The following MAP3K7CL variants were observed in gnomAD, a reference collection of about 807,000 sequenced individuals.
The protein encoded by MAP3K7CL is MAP3K7 C-terminal like.
Under a neutral mutation model 18.6 loss-of-function variants are expected in MAP3K7CL, and 16 were observed. The observed-to-expected ratio is 0.86, with a 90% CI of 0.58 to 1.31. The LOEUF (loss-of-function observed/expected upper bound fraction) is 1.31, where lower values mean the gene tolerates loss of function less well. Among genes scored for constraint, MAP3K7CL ranks in the 50% most tolerant of loss-of-function variants. MAP3K7CL has a pLI of 0.00. For missense variants in MAP3K7CL, 163 were observed against 174.4 expected (o/e 0.93, Z 0.37); for synonymous variants, 65 against 66.8 (o/e 0.97, Z 0.13).
intron 2 of MAP3K7CL, among the ~76,000 whole-genome samples, chr21:29,143,576 C>T (rs2146666208): frequency 6.6e-6 from 1 of 152,128 alleles, no homozygotes; most frequent in South Asian, 2.1e-4. Context: ...GCATGTGCCA[C>T]CACGCCTGGC....
chr21:29,086,621 A>C (rs1429342656), intron 1 of MAP3K7CL, among the ~76,000 whole-genome samples: 2 of 152,178 alleles, frequency 1.3e-5, no homozygotes, highest in Non-Finnish European at 2.9e-5. Flanking sequence ...ATTGATAATA[A>C]AGCTGATGGT....
intron 4 of MAP3K7CL, among the ~76,000 whole-genome samples, chr21:29,114,460 G>A (rs1394683995): frequency 1.1e-4 from 16 of 152,040 alleles, no homozygotes; most frequent in African/African-American, 2.7e-4. Context: ...GTGCAATCAC[G>A]GCTCACTGCA....
chr21:29,078,431 A>T (rs543581939), intron 1 of MAP3K7CL, among the ~76,000 whole-genome samples: 4 of 152,184 alleles, frequency 2.6e-5, no homozygotes, highest in Non-Finnish European at 4.4e-5. Flanking sequence ...AACAACCAAG[A>T]AAATAGAGGG....
At chr21:29,139,618 T>G (rs1488604514) in intron 2 of MAP3K7CL, among the ~76,000 whole-genome samples, 1 of 152,136 alleles carries the variant, frequency 6.6e-6, no homozygotes, top group Non-Finnish European at 1.5e-5. Context: ...GGAGTCTCAC[T>G]CTGTCACCCA....
intron 4 of MAP3K7CL, chr21:29,109,770 A>G: frequency 1.0e-6 from 1 of 985,650 alleles, no homozygotes. Flanking sequence ...ACAATGGTCT[A>G]ATAAAGTGTC....
At chr21:29,077,903 A>G (rs2085775414) in intron 1 of MAP3K7CL, among the ~76,000 whole-genome samples, 1 of 152,204 alleles carries the variant, frequency 6.6e-6, no homozygotes, top group African/African-American at 2.4e-5. Context: ...AGCCTCCAGG[A>G]GAGCTAAAAG....
chr21:29,092,279 G>T, intron 3 of MAP3K7CL: 3 of 678,754 alleles, frequency 4.4e-6, no homozygotes, highest in Non-Finnish European at 7.0e-6. Context: ...TCTTTCCCCT[G>T]ATGAGAAACC....
rs5843369 is a variant in MAP3K7CL at position 29,139,895 on chromosome 21, CTTTTTTTTT to C, written c.70+6498_70+6506del. Among the ~76,000 whole-genome samples, 40 of 67,366 alleles carry C rather than the reference CTTTTTTTTT, an allele frequency of 5.9e-4. 1 individual carries two copies. Among genetic ancestry groups the C allele is most frequent in the East Asian group, 3.9e-3 (7 of 1,802 alleles). The allele number at this position is 67,366 out of a possible 152,430, so 44.2% of individuals were successfully genotyped here. ...CACGACGCCCAGGCCCCATCTCTGG[CTTTTTTTTT>C]TTTTTTTTTTTTTTTTGGCATATTC... On this transcript the variant is annotated intron_variant, in intron 2 of 4. Coordinates refer to ENST00000399928, the MANE Select transcript of MAP3K7CL (RefSeq NM_001286620.2).
At chr21:29,091,419 GC>G in intron 1 of MAP3K7CL, 1 of 609,934 alleles carries the variant, frequency 1.6e-6, no homozygotes. Flanking sequence ...ATGAGGTATA[GC>G]TCTTAATAAA....
At chr21:29,160,798 G>T (rs2087528591) in intron 4 of MAP3K7CL, among the ~76,000 whole-genome samples, 1 of 152,166 alleles carries the variant, frequency 6.6e-6, no homozygotes, top group Non-Finnish European at 1.5e-5. Context: ...CCTACTAGGT[G>T]GTAAGTGCCA....
chr21:29,092,485 A>G, exon 4 of MAP3K7CL: 3 of 1,614,234 alleles, frequency 1.9e-6, no homozygotes, highest in Non-Finnish European at 2.5e-6. Context: ...GTTGGAGGAC[A>G]ATCCAAAGGT....
chr21:29,078,830 A>G (rs2085790920), intron 1 of MAP3K7CL, among the ~76,000 whole-genome samples: 1 of 152,228 alleles, frequency 6.6e-6, no homozygotes, highest in African/African-American at 2.4e-5. Flanking sequence ...TTGGTCCCAC[A>G]GCTCCACTTA....
chr21:29,149,333 G>A lies in MAP3K7CL; in HGVS notation c.132+83G>A, dbSNP rs1252732519. 3 of 1,223,370 alleles carry A rather than the reference G, an allele frequency of 2.5e-6. No individual in the cohort carries two copies. The African/African-American group carries it at 4.5e-5, about 18-fold the overall frequency. The allele number at this position is 1,223,370 out of a possible 1,614,324, so 75.8% of individuals were successfully genotyped here. On this transcript the variant is annotated intron_variant, in intron 3 of 4. Coordinates refer to ENST00000399928, the MANE Select transcript of MAP3K7CL (RefSeq NM_001286620.2). ...GCTGGGCAGAGAGTGGCCTGACTAG[G>A]GGAGACTGACTTGGACCCAGAATGT...
At chr21:29,085,501 C>T (rs776243135), upstream of MAP3K7CL, among the ~76,000 whole-genome samples, 11 of 130,210 alleles carry the variant, frequency 8.4e-5, no homozygotes, top group Non-Finnish European at 1.7e-4. Context: ...GAGCTGAGAT[C>T]GTGCCACTGC....
chr21:29,100,083 T>TA (rs397727880), intron 4 of MAP3K7CL, among the ~76,000 whole-genome samples: 38,613 of 122,664 alleles, frequency 0.31, 6,007 homozygotes, highest in Non-Finnish European at 0.35. Context: ...ACTCCGTCTT[T>TA]AAAAAAAAAA....
At chr21:29,125,706 A>G (rs2086670055), upstream of MAP3K7CL, among the ~76,000 whole-genome samples, 1 of 152,142 alleles carries the variant, frequency 6.6e-6, no homozygotes, top group Non-Finnish European at 1.5e-5. Context: ...TTGCCCTACG[A>G]GAAGGTTTGA....
intron 4 of MAP3K7CL, among the ~76,000 whole-genome samples, chr21:29,093,637 A>G (rs1331486290): frequency 1.3e-5 from 2 of 148,926 alleles, no homozygotes; most frequent in Admixed American, 1.3e-4. Context: ...ACCCGCCACC[A>G]CGCCGGGCTA....
At chr21:29,090,278 G>T (rs1014337360) in intron 1 of MAP3K7CL, among the ~76,000 whole-genome samples, 4 of 152,220 alleles carry the variant, frequency 2.6e-5, no homozygotes. Context: ...AATGAAAGAA[G>T]TGAGGAAGGC....
chr21:29,147,245 T>C (rs1380392523), intron 2 of MAP3K7CL, among the ~76,000 whole-genome samples: 1 of 152,100 alleles, frequency 6.6e-6, no homozygotes, highest in Admixed American at 6.5e-5. Context: ...TATGTATATG[T>C]ACTGTATATG....
Sources: allele counts gnomAD v4.1 joint callset (sites outside exome capture counted in the v4.1 genomes callset), GRCh38; gene constraint gnomAD v4.1.1; transcripts MANE v1.5; gene names NCBI Gene and HGNC (gene_info 2026-07-23, HGNC 2026-07-21).